Variants in PCDHA8 observed in about 807,000 individuals in gnomAD.
PCDHA8 encodes protocadherin alpha-8.
PCDHA8 carries 53 observed loss-of-function variants against 61.8 expected under a neutral mutation model. The observed-to-expected ratio is 0.86, with a 90% CI of 0.69 to 1.08. The LOEUF (loss-of-function observed/expected upper bound fraction) is 1.08, where lower values mean the gene tolerates loss of function less well. PCDHA8 is among the 50% of genes least tolerant of loss of function. The probability of loss-of-function intolerance (pLI) is 0.00; values close to 1 mark genes in which losing one functional copy is unlikely to be tolerated. For missense variants in PCDHA8, 1,293 were observed against 1,245.0 expected (o/e 1.04, Z -0.58); for synonymous variants, 618 against 556.6 (o/e 1.11, Z -1.55).
intron 1 of PCDHA8, among the ~76,000 whole-genome samples, chr5:140,872,454 C>T (rs1410815153): frequency 1.3e-5 from 2 of 152,062 alleles, no homozygotes; most frequent in Non-Finnish European, 2.9e-5. Context: ...TAGCGAGATC[C>T]TGTCTCTATA....
intron 3 of PCDHA8, among the ~76,000 whole-genome samples, chr5:140,996,316 A>C (rs2153939037): frequency 6.6e-6 from 1 of 152,250 alleles, no homozygotes; most frequent in African/African-American, 2.4e-5. Context: ...GTAAGGGGGG[A>C]GGGTAGAGAA....
intron 3 of PCDHA8, among the ~76,000 whole-genome samples, chr5:140,982,798 T>C (rs1310396823): frequency 2.0e-5 from 3 of 151,768 alleles, no homozygotes; most frequent in African/African-American, 7.3e-5. Flanking sequence ...TGTGTGCATG[T>C]GTGTGTGTGT....
chr5:140,952,327 A>G (rs1407008388), intron 1 of PCDHA8, among the ~76,000 whole-genome samples: 2 of 134,678 alleles, frequency 1.5e-5, no homozygotes, highest in Non-Finnish European at 1.6e-5. Flanking sequence ...AACAAGAGTG[A>G]AACTCCATCT....
At chr5:141,000,595 T>G (rs1438785385) in intron 3 of PCDHA8, among the ~76,000 whole-genome samples, 1 of 150,924 alleles carries the variant, frequency 6.6e-6, no homozygotes, top group African/African-American at 2.4e-5. Context: ...GCCCAGCTAA[T>G]TTTTGTATTT....
At chr5:140,882,982 C>A (rs139888237) in intron 1 of PCDHA8, 2 of 1,614,148 alleles carry the variant, frequency 1.2e-6, no homozygotes, top group South Asian at 1.1e-5. Flanking sequence ...TGAATGACAA[C>A]GCCCCGGAAT....
chr5:140,853,135 T>C, intron 1 of PCDHA8: 2 of 687,812 alleles, frequency 2.9e-6, no homozygotes, highest in Non-Finnish European at 3.7e-6. Context: ...CGCCTCAGCC[T>C]CCCAAAATGC....
intron 2 of PCDHA8, among the ~76,000 whole-genome samples, chr5:140,981,738 A>C: frequency 6.6e-6 from 1 of 152,114 alleles, no homozygotes. Flanking sequence ...TGAGAGATTA[A>C]TATGAGTTAG....
intron 1 of PCDHA8, among the ~76,000 whole-genome samples, chr5:140,905,939 T>A (rs1583575409): frequency 6.6e-6 from 1 of 152,288 alleles, no homozygotes; most frequent in African/African-American, 2.4e-5. Context: ...GCTGAAGAAC[T>A]TGGAATCCGA....
intron 1 of PCDHA8, among the ~76,000 whole-genome samples, chr5:140,906,153 A>G (rs2072404848): frequency 6.6e-6 from 1 of 152,142 alleles, no homozygotes; most frequent in Non-Finnish European, 1.5e-5. Flanking sequence ...ACCCTCACAG[A>G]CACACCCAGG....
At chr5:140,890,526 ATCT>A (rs2062679933) in intron 1 of PCDHA8, among the ~76,000 whole-genome samples, 1 of 151,278 alleles carries the variant, frequency 6.6e-6, no homozygotes, top group Admixed American at 6.6e-5. Flanking sequence ...TCCTTTGTTG[ATCT>A]TCTTTTGAAA....
chr5:141,002,437 T>C (rs1238744621), intron 3 of PCDHA8, among the ~76,000 whole-genome samples: 1 of 152,186 alleles, frequency 6.6e-6, no homozygotes, highest in Non-Finnish European at 1.5e-5. Context: ...GCAATAACCA[T>C]AATAATTGGC....
At chr5:140,901,161 G>A (rs1554189608) in intron 1 of PCDHA8, among the ~76,000 whole-genome samples, 1 of 152,084 alleles carries the variant, frequency 6.6e-6, no homozygotes, top group African/African-American at 2.4e-5. Flanking sequence ...TCTGTGGGTT[G>A]TCTCTTCACT....
Position 140,850,482 on chromosome 5 carries a change from G to T in PCDHA8, c.2394+6767G>T, listed in dbSNP as rs2150486061. On this transcript the variant is annotated intron_variant, in intron 1 of 3. Coordinates refer to ENST00000531613, the MANE Select transcript of PCDHA8 (RefSeq NM_018911.3). ...CGGGGAGCCAGCGCTGACGGCCACG[G>T]CCACTGTGCTGGTGTCGCTGGTGGA... 5 of 1,598,110 alleles carry T rather than the reference G, an allele frequency of 3.1e-6. No homozygotes were observed. The South Asian group carries it at 5.5e-5, about 18-fold the overall frequency.
At chr5:140,883,467 C>T in intron 1 of PCDHA8, 1 of 1,614,170 alleles carries the variant, frequency 6.2e-7, no homozygotes, top group Non-Finnish European at 8.5e-7. Flanking sequence ...CTGGTGTCCA[C>T]CTACAAGAAC....
intron 1 of PCDHA8, among the ~76,000 whole-genome samples, chr5:140,895,594 T>C (rs2065067713): frequency 6.6e-6 from 1 of 152,228 alleles, no homozygotes; most frequent in Admixed American, 6.5e-5. Flanking sequence ...GATATATAAT[T>C]TGCAAAGATT....
chr5:141,011,288 T>C lies in PCDHA8; in HGVS notation c.*1351T>C, dbSNP rs1379355395. 1 of 153,798 alleles carries C rather than the reference T, an allele frequency of 6.5e-6. No individual in the cohort carries two copies. Among genetic ancestry groups the C allele is most frequent in the Non-Finnish European group, 1.5e-5 (1 of 68,050 alleles). The allele number at this position is 153,798 out of a possible 1,614,324, so 9.5% of individuals were successfully genotyped here. A position where few individuals can be genotyped will look rare whatever the true frequency, so the allele number is the denominator to read the frequency against. On this transcript the variant is annotated 3_prime_UTR_variant, in exon 4 of 4. Transcript: ENST00000531613. ...CTTCTCTTTGGTTTAGTTTTCCTTT[T>C]CTATAACACTCTGAATTGCTAATCT... is the stretch of plus-strand genomic sequence containing the variant.
At chr5:140,989,109 A>C (rs2097330096) in intron 3 of PCDHA8, 2 of 152,240 alleles carry the variant, frequency 1.3e-5, no homozygotes, top group African/African-American at 4.8e-5. Context: ...CAACTTTTGA[A>C]TATATCTTAG....
Position 140,881,357 on chromosome 5 carries a change from CT to C in PCDHA8, c.2394+37645del, listed in dbSNP as rs1486951603. 3.0e-6 allele frequency: 3 copies of C among 985,228 alleles called. No homozygotes were observed. The African/African-American group carries it at 5.2e-5, about 17-fold the overall frequency. 61.0% of individuals were successfully genotyped at this position (985,228 alleles called of 1,614,324 possible). A position where few individuals can be genotyped will look rare whatever the true frequency, so the allele number is the denominator to read the frequency against. ...CGCCGATTCGGGCTACAATGCGTGG[CT>C]TTCGTATGAATTGCAGCCGGCGGCG... On this transcript the variant is annotated intron_variant, in intron 1 of 3. Coordinates refer to ENST00000531613, the MANE Select transcript of PCDHA8 (RefSeq NM_018911.3).
intron 1 of PCDHA8, chr5:140,871,449 G>A: frequency 6.2e-7 from 1 of 1,608,762 alleles, no homozygotes; most frequent in Non-Finnish European, 8.5e-7. Context: ...TGAATAAAGA[G>A]GAGGAAGGGG....
Sources: allele counts gnomAD v4.1 joint callset (sites outside exome capture counted in the v4.1 genomes callset), GRCh38; gene constraint gnomAD v4.1.1; transcripts MANE v1.5; gene names NCBI Gene and HGNC (gene_info 2026-07-23, HGNC 2026-07-21).